The following TRAF3IP2 variants were observed in gnomAD, a reference collection of about 807,000 sequenced individuals.
TRAF3IP2 encodes TRAF3 interacting protein 2, also known as E3 ubiquitin ligase TRAF3IP2.
In TRAF3IP2, 35 loss-of-function variants were observed where a neutral mutation model predicts 57.9. The ratio of observed to expected loss-of-function variants is 0.60; its 90% CI spans 0.46 to 0.80. The LOEUF (loss-of-function observed/expected upper bound fraction) is 0.80, where lower values mean the gene tolerates loss of function less well. Among genes scored for constraint, TRAF3IP2 ranks in the 30% least tolerant of loss-of-function variants. The pLI is 0.00. For synonymous variants in TRAF3IP2, 251 were observed against 268.9 expected (o/e 0.93, Z 0.65); for missense variants, 556 against 706.4 (o/e 0.79, Z 2.41).
chr6:111,588,556 T>G (rs548607767), intron 2 of TRAF3IP2, among the ~76,000 whole-genome samples: 1 of 152,362 alleles, frequency 6.6e-6, no homozygotes, highest in African/African-American at 2.4e-5. Flanking sequence ...TCCTGGGACC[T>G]TCATTATAAC....
intron 1 of TRAF3IP2, chr6:111,597,959 C>T (rs1248128857): frequency 2.2e-6 from 1 of 453,788 alleles, no homozygotes; most frequent in East Asian, 6.9e-5. Flanking sequence ...AGGGAGCAAG[C>T]ACTGACTCCT....
chr6:111,558,357 G>A lies in TRAF3IP2; in HGVS notation c.*1048C>T, dbSNP rs2128367482. 1 of 152,344 alleles carries A rather than the reference G, an allele frequency of 6.6e-6. No homozygotes were observed. The highest frequency in any genetic ancestry group is 1.9e-4 in the East Asian group (1 of 5,192). 9.4% of individuals were successfully genotyped at this position (152,344 alleles called of 1,614,324 possible). On this transcript the variant is annotated 3_prime_UTR_variant, in exon 9 of 9. Transcript: ENST00000368761. ...ATTTTTACCTATGTAGTCAGATCCT[G>A]AGAACCATAATCATACTATTTAGAA...
chr6:111,565,658 C>T (rs752179948), intron 7 of TRAF3IP2, among the ~76,000 whole-genome samples: 4 of 152,142 alleles, frequency 2.6e-5, no homozygotes, highest in Non-Finnish European at 4.4e-5. Context: ...AAGGAGGATT[C>T]GTAGCCCATA....
At chr6:111,581,936 C>A (rs1399604483) in intron 2 of TRAF3IP2, among the ~76,000 whole-genome samples, 1 of 152,168 alleles carries the variant, frequency 6.6e-6, no homozygotes, top group Non-Finnish European at 1.5e-5. Flanking sequence ...TGAGATTGTG[C>A]CATTGAACTC....
intron 1 of TRAF3IP2, among the ~76,000 whole-genome samples, chr6:111,604,896 G>T (rs1335241683): frequency 6.6e-6 from 1 of 152,092 alleles, no homozygotes; most frequent in Non-Finnish European, 1.5e-5. Flanking sequence ...GGACTATCCT[G>T]GCTTTGTTTT....
intron 1 of TRAF3IP2, chr6:111,601,014 C>A: frequency 1.9e-6 from 1 of 519,388 alleles, no homozygotes; most frequent in Non-Finnish European, 3.5e-6. Flanking sequence ...GGTCACATGG[C>A]TATTAAGTAG....
At position 111,559,489 on chromosome 6, in the gene TRAF3IP2, GT is replaced by G. The variant is rs777439425; in HGVS notation, c.1613del (p.Asn538ThrfsTer7). On this transcript the variant is annotated frameshift_variant, in exon 9 of 9. Transcript: ENST00000368761. LOFTEE classifies it high-confidence loss of function. ...HVYSWPKNKK[N>X]ILLRLLREEE... is the part of the protein sequence containing the mutation. ...CCTCTCTCAGCAGCCGCAGCAGGAT[GT>G]TTTTTTTATTCTTGGGCCAGCTGTA... 1.2e-6 allele frequency: 2 copies of G among 1,614,012 alleles called. No individual in the cohort carries two copies. Among genetic ancestry groups the G allele is most frequent in the East Asian group, 2.2e-5 (1 of 44,880 alleles).
In TRAF3IP2 at chr6:111,568,032, A is replaced by G. The variant is rs1326489278; in HGVS notation, c.1291-340T>C. On this transcript the variant is annotated intron_variant, in intron 5 of 8. Transcript: ENST00000368761. ...TATAAGCCAGCAATATACATATATT[A>G]TATATCTGTAATTTAGACATTTGAA... Among the ~76,000 whole-genome samples the G allele has an allele frequency of 3.3e-5, 5 of 152,234 alleles. 1 individual carries two copies. Among genetic ancestry groups the G allele is most frequent in the Admixed American group, 3.3e-4 (5 of 15,280 alleles).
At position 111,558,914 on chromosome 6, in the gene TRAF3IP2, T is replaced by A. The variant is rs1209805288; in HGVS notation, c.*491A>T. 1 of 152,622 alleles carries A rather than the reference T, an allele frequency of 6.6e-6. No individual in the cohort carries two copies. Among genetic ancestry groups the A allele is most frequent in the Non-Finnish European group, 1.5e-5 (1 of 68,350 alleles). The allele number at this position is 152,622 out of a possible 1,614,324, so 9.5% of individuals were successfully genotyped here. ...CATATCATTATAAATTATATGTATC[T>A]CCTTTGAGATAAGTAAAACATAATC... On this transcript the variant is annotated 3_prime_UTR_variant, in exon 9 of 9. Coordinates refer to ENST00000368761, the MANE Select transcript of TRAF3IP2 (RefSeq NM_147686.4).
intron 1 of TRAF3IP2, among the ~76,000 whole-genome samples, chr6:111,594,749 A>C (rs1796625708): frequency 6.6e-6 from 1 of 152,122 alleles, no homozygotes; most frequent in African/African-American, 2.4e-5. Flanking sequence ...CCCTGTCTCT[A>C]CAAAAAATTA....
chr6:111,584,413 A>G (rs1388862973), intron 2 of TRAF3IP2, among the ~76,000 whole-genome samples: 2 of 152,232 alleles, frequency 1.3e-5, no homozygotes, highest in Non-Finnish European at 2.9e-5. Flanking sequence ...TTGAAAACAA[A>G]GGAAAACTGA....
chr6:111,569,208 C>T (rs1795748933), intron 5 of TRAF3IP2, among the ~76,000 whole-genome samples: 1 of 152,172 alleles, frequency 6.6e-6, no homozygotes, highest in African/African-American at 2.4e-5. Context: ...GTCACTAATC[C>T]ATTGCTATTA....
At chr6:111,592,172 C>A in intron 1 of TRAF3IP2, 78 bp from the exon 2 acceptor site, 1 of 1,229,466 alleles carries the variant, frequency 8.1e-7, no homozygotes, top group Non-Finnish European at 1.1e-6. Context: ...CCTTAAGGGA[C>A]CTCATTCAAG....
chr6:111,573,077 G>A, intron 4 of TRAF3IP2, 94 bp from the exon 5 acceptor site: 1 of 1,015,248 alleles, frequency 9.8e-7, no homozygotes, highest in South Asian at 1.5e-5. Flanking sequence ...TGTCCTTCTA[G>A]AATAATAAGA....
chr6:111,596,712 C>A (rs1796702939), intron 1 of TRAF3IP2, among the ~76,000 whole-genome samples: 1 of 152,206 alleles, frequency 6.6e-6, no homozygotes, highest in African/African-American at 2.4e-5. Context: ...CTTCGGCCTC[C>A]CAAAGTGCTG....
intron 1 of TRAF3IP2, among the ~76,000 whole-genome samples, chr6:111,593,421 A>G (rs1347199290): frequency 6.6e-6 from 1 of 152,190 alleles, no homozygotes; most frequent in East Asian, 1.9e-4. Context: ...TACCCAATCC[A>G]ATGGGATCAG....
intron 1 of TRAF3IP2, among the ~76,000 whole-genome samples, chr6:111,603,105 CACACACAA>C (rs1424879336): frequency 2.6e-5 from 4 of 151,514 alleles, no homozygotes; most frequent in Non-Finnish European, 5.9e-5. Context: ...CACACACACA[CACACACAA>C]GGCGTGCACA....
At chr6:111,589,130 G>A (rs1178333072) in intron 2 of TRAF3IP2, among the ~76,000 whole-genome samples, 2 of 132,054 alleles carry the variant, frequency 1.5e-5, no homozygotes, top group Non-Finnish European at 3.1e-5. Context: ...GTGCAGTCTC[G>A]GCTCACTGTA....
At chr6:111,573,413 TCTC>T (rs542770104) in intron 4 of TRAF3IP2, 197 of 157,488 alleles carry the variant, frequency 1.3e-3, no homozygotes, top group Middle Eastern at 6.5e-3. Context: ...CTTCTTTTGA[TCTC>T]CTGATGCTCT....
Sources: gnomAD v4.1 joint callset for allele counts (sites outside exome capture counted in the v4.1 genomes callset) on GRCh38, gnomAD v4.1.1 for gene constraint, MANE v1.5 for transcripts, NCBI Gene and HGNC (gene_info 2026-07-23, HGNC 2026-07-21) for gene names.